The following MTO1 variants were observed in gnomAD, a reference collection of about 807,000 sequenced individuals.
MTO1 encodes 5-taurinomethyluridine-[tRNA] synthase subunit MTO1, mitochondrial.
A neutral mutation model predicts 71.6 loss-of-function variants in MTO1; 46 were observed. That is an observed-to-expected ratio of 0.64 (90% CI 0.51 to 0.82). The LOEUF (loss-of-function observed/expected upper bound fraction) is 0.82. MTO1 is among the 40% of genes least tolerant of loss of function. The pLI, the probability that MTO1 is intolerant of heterozygous loss-of-function variation, is 0.00. For missense variants in MTO1, 773 were observed against 867.5 expected, an observed-to-expected ratio of 0.89 and a Z score of 1.37; for synonymous variants, 297 against 312.1, an observed-to-expected ratio of 0.95 and a Z score of 0.51.
intron 4 of MTO1, 131 bp downstream of exon 4, chr6:73,473,785 G>A: frequency 1.6e-6 from 1 of 628,144 alleles, no homozygotes; most frequent in Non-Finnish European, 2.5e-6. Context: ...GCAAAGAAAT[G>A]ATTTTTTTTT....
intron 10 of MTO1, among the ~76,000 whole-genome samples, chr6:73,492,968 A>G (rs866313039): frequency 0.012 from 798 of 67,896 alleles, 22 homozygotes; most frequent in African/African-American, 0.041. Flanking sequence ...TATATAATAT[A>G]TGTGTGTGTG....
chr6:73,485,592 C>T (rs1011556714), intron 9 of MTO1, among the ~76,000 whole-genome samples: 7 of 152,118 alleles, frequency 4.6e-5, no homozygotes, highest in Non-Finnish European at 1.0e-4. Context: ...GCGCTTGCCA[C>T]CATGCCTGGC....
Position 73,497,816 on chromosome 6 carries a change from G to T in MTO1, c.1837G>T (p.Asp613Tyr). The T allele has an allele frequency of 6.2e-7, 1 of 1,613,886 alleles. No homozygotes were observed. Among genetic ancestry groups the T allele is most frequent in the East Asian group, 2.2e-5 (1 of 44,870 alleles). ...AGATGAAGCTCTCCAACTGCCAAAA[G>T]ACCTAGATTATTTGACTATCAGGGA... ...QQDEALQLPKDLDYLTIRDVS... is the reference protein window; with the variant it reads ...QQDEALQLPKYLDYLTIRDVS... Residue 613 changes from aspartate to tyrosine, a missense_variant, in exon 11 of 12, where the codon GAC becomes TAC. Coordinates refer to ENST00000498286, the MANE Select transcript of MTO1 (RefSeq NM_012123.4).
chr6:73,492,524 T>G (rs1376561786), intron 10 of MTO1, among the ~76,000 whole-genome samples, 172 bp downstream of exon 10: 1 of 152,088 alleles, frequency 6.6e-6, no homozygotes, highest in Admixed American at 6.6e-5. Context: ...AAATACAGAA[T>G]CTTGGCTGGG....
intron 10 of MTO1, among the ~76,000 whole-genome samples, chr6:73,496,038 A>C (rs114083866): frequency 0.011 from 1,609 of 152,284 alleles, 27 homozygotes; most frequent in African/African-American, 0.037. Context: ...CTTCACAACT[A>C]TTCTTTGTTG....
chr6:73,483,784 ATTTTTT>A (rs35787647), intron 9 of MTO1, among the ~76,000 whole-genome samples: 2 of 104,094 alleles, frequency 1.9e-5, no homozygotes, highest in Admixed American at 1.1e-4. Context: ...ACACCTGGCT[ATTTTTT>A]TTTTTTTTTT....
intron 4 of MTO1, among the ~76,000 whole-genome samples, chr6:73,477,407 A>T: frequency 6.6e-6 from 1 of 151,566 alleles, no homozygotes; most frequent in African/African-American, 2.4e-5. Context: ...AAAAAAAAAA[A>T]AAAAAAAAGA....
intron 11 of MTO1, among the ~76,000 whole-genome samples, chr6:73,499,090 A>C (rs557078369): frequency 6.6e-5 from 10 of 151,608 alleles, no homozygotes; most frequent in African/African-American, 2.4e-4. Flanking sequence ...TTTTTTTTTT[A>C]GTAGTGTTTC....
chr6:73,489,340 G>T (rs1405474559), intron 9 of MTO1, among the ~76,000 whole-genome samples: 4 of 151,382 alleles, frequency 2.6e-5, no homozygotes, highest in African/African-American at 7.3e-5. Flanking sequence ...CAACGTGCAG[G>T]TTTGTTACAT....
chr6:73,500,350 A>ATTTTTT lies in MTO1; in HGVS notation c.1918-220_1918-219insTTTTTT, dbSNP rs1772122101. Among the ~76,000 whole-genome samples, 4 of 152,360 alleles carry ATTTTTT rather than the reference A, an allele frequency of 2.6e-5. No individual in the cohort carries two copies. The South Asian group carries it at 8.3e-4, about 32-fold the overall frequency. ...TTAGTTATGTAATCTTGCACAAGCT[A>ATTTTTT]TTTTAACATTTCTGTGCCTCAGTTT... is the stretch of plus-strand genomic sequence containing the variant. On this transcript the variant is annotated intron_variant, in intron 11 of 11. Transcript: ENST00000498286.
In MTO1 at chr6:73,497,157, C is replaced by CTTTTTTTTTTTTTTTTT. The variant is rs765385743; in HGVS notation, c.1757-566_1757-565insTTTTTTTTTTTTTTTTT. Among the ~76,000 whole-genome samples, 17 of 92,716 alleles carry CTTTTTTTTTTTTTTTTT rather than the reference C, an allele frequency of 1.8e-4. 4 individuals carry two copies. The highest frequency in any genetic ancestry group is 2.9e-4 in the African/African-American group (7 of 24,318). The allele number at this position is 92,716 out of a possible 152,430, so 60.8% of individuals were successfully genotyped here. A position where few individuals can be genotyped will look rare whatever the true frequency, so the allele number is the denominator to read the frequency against. ...TTTGCACTGACAGCGGAAGCAAATT[C>CTTTTTTTTTTTTTTTTT]TTTTTTTTTTTTTGAGACAGAGTCT... On this transcript the variant is annotated intron_variant, in intron 10 of 11. Transcript: ENST00000498286.
intron 4 of MTO1, among the ~76,000 whole-genome samples, chr6:73,478,469 T>G (rs1321369512): frequency 6.6e-6 from 1 of 152,162 alleles, no homozygotes; most frequent in East Asian, 1.9e-4. Flanking sequence ...TCCTGATGTA[T>G]GGCTTCAAAT....
intron 9 of MTO1, among the ~76,000 whole-genome samples, chr6:73,486,225 A>G (rs1056805240): frequency 3.3e-5 from 5 of 152,148 alleles, no homozygotes; most frequent in Admixed American, 1.3e-4. Flanking sequence ...TTACAGACAT[A>G]ATCCCCCCAA....
chr6:73,465,401 C>G (rs1025236013), intron 1 of MTO1, among the ~76,000 whole-genome samples: 10 of 151,992 alleles, frequency 6.6e-5, no homozygotes, highest in African/African-American at 2.4e-4. Flanking sequence ...TGAGCTCCAG[C>G]AATCCACCCT....
At chr6:73,473,756 T>C (rs1278618074) in intron 4 of MTO1, 102 bp downstream of exon 4, 1 of 918,892 alleles carries the variant, frequency 1.1e-6, no homozygotes, top group Non-Finnish European at 1.6e-6. Context: ...GTTCACTTTA[T>C]AGCACTATTG....
chr6:73,492,588 T>TCACCTGAGCAGGAG, intron 10 of MTO1: 1 of 362,462 alleles, frequency 2.8e-6, no homozygotes, highest in Non-Finnish European at 5.2e-6. Context: ...GGTGGGCTGA[T>TCACCTGAGCAGGAG]TTCTTGAGCC....
At chr6:73,471,030 C>T (rs1158544145) in intron 3 of MTO1, among the ~76,000 whole-genome samples, 1 of 151,998 alleles carries the variant, frequency 6.6e-6, no homozygotes, top group Non-Finnish European at 1.5e-5. Flanking sequence ...GGAGCATTTG[C>T]TTTGTTAATC....
chr6:73,472,606 G>T (rs981881732), intron 3 of MTO1, among the ~76,000 whole-genome samples: 4 of 152,144 alleles, frequency 2.6e-5, no homozygotes, highest in African/African-American at 9.7e-5. Flanking sequence ...TACATTTTCA[G>T]CTGTAAGTTG....
intron 11 of MTO1, among the ~76,000 whole-genome samples, chr6:73,500,011 T>A (rs1044717094): frequency 1.8e-4 from 27 of 152,184 alleles, no homozygotes; most frequent in Admixed American, 7.2e-4. Context: ...TTTCATTTTA[T>A]TTTTTTGAGA....
Sources: allele counts gnomAD v4.1 joint callset (sites outside exome capture counted in the v4.1 genomes callset), GRCh38; gene constraint gnomAD v4.1.1; transcripts MANE v1.5; gene names NCBI Gene and HGNC (gene_info 2026-07-23, HGNC 2026-07-21).